PDE4D: variants seen among roughly 807,000 people sequenced by gnomAD.
The protein encoded by PDE4D is phosphodiesterase 4D, also known as 3',5'-cyclic-AMP phosphodiesterase 4D.
In PDE4D, 24 loss-of-function variants were observed where a neutral mutation model predicts 87.4. That is an observed-to-expected ratio of 0.27 (90% CI 0.20 to 0.39). The LOEUF (loss-of-function observed/expected upper bound fraction) is 0.39. PDE4D is among the 10% of genes least tolerant of loss of function. PDE4D has a pLI of 1.00. For synonymous variants in PDE4D, 384 were observed against 383.2 expected (o/e 1.00, Z -0.02); for missense variants, 714 against 1,041.0 (o/e 0.69, Z 4.32).
chr5:59,789,870 T>A (rs138204619), intron 1 of PDE4D, among the ~76,000 whole-genome samples: 387 of 152,280 alleles, frequency 2.5e-3, no homozygotes, highest in South Asian at 4.1e-3. Context: ...GATTTTAGAG[T>A]ACACAGAGCT....
chr5:59,450,816 T>G (rs1351977097), intron 1 of PDE4D, among the ~76,000 whole-genome samples: 2 of 152,208 alleles, frequency 1.3e-5, no homozygotes, highest in Non-Finnish European at 2.9e-5. Flanking sequence ...CTTCCACCTG[T>G]GCTTTGGTTC....
At chr5:59,417,164 TTATC>T (rs1436966671) in intron 1 of PDE4D, among the ~76,000 whole-genome samples, 5 of 152,094 alleles carry the variant, frequency 3.3e-5, no homozygotes, top group Admixed American at 6.5e-5. Context: ...TAAGCAAAAA[TTATC>T]TATAACTTTT....
chr5:60,310,244 C>T (rs1232325175), intron 1 of PDE4D, among the ~76,000 whole-genome samples: 1 of 152,188 alleles, frequency 6.6e-6, no homozygotes, highest in Non-Finnish European at 1.5e-5. Flanking sequence ...AATAATCCCA[C>T]TTTACCAGCA....
intron 3 of PDE4D, among the ~76,000 whole-genome samples, chr5:59,911,922 T>C (rs964631254): frequency 3.9e-5 from 6 of 152,218 alleles, no homozygotes; most frequent in Admixed American, 6.5e-5. Flanking sequence ...AAATGGATAA[T>C]TTATTTTTTG....
intron 5 of PDE4D, among the ~76,000 whole-genome samples, chr5:59,068,471 G>T (rs1210370328): frequency 6.6e-6 from 1 of 152,158 alleles, no homozygotes; most frequent in Non-Finnish European, 1.5e-5. Context: ...GCTGGATTCA[G>T]TGATGAGCAA....
At chr5:59,688,785 G>T (rs1273773908) in intron 1 of PDE4D, among the ~76,000 whole-genome samples, 2 of 152,044 alleles carry the variant, frequency 1.3e-5, no homozygotes, top group Non-Finnish European at 2.9e-5. Flanking sequence ...TCCAGGAGCT[G>T]GTATTTTGAA....
chr5:59,068,939 A>T (rs890208026), intron 5 of PDE4D, among the ~76,000 whole-genome samples: 1 of 152,208 alleles, frequency 6.6e-6, no homozygotes, highest in African/African-American at 2.4e-5. Context: ...GAAAGTTTTC[A>T]CACTGAAGGG....
chr5:59,896,178 A>G (rs539620083), upstream of PDE4D, among the ~76,000 whole-genome samples: 3 of 152,330 alleles, frequency 2.0e-5, no homozygotes, highest in South Asian at 4.1e-4. Context: ...TAGTACTAAT[A>G]TTACCTACTT....
chr5:60,337,351 C>CAAAA (rs1491477498), intron 1 of PDE4D, among the ~76,000 whole-genome samples: 5,410 of 60,042 alleles, frequency 0.09, 356 homozygotes, highest in East Asian at 0.26. Context: ...AACAAACAAA[C>CAAAA]TATATATATA....
At chr5:59,545,843 A>G (rs1240838531) in intron 1 of PDE4D, among the ~76,000 whole-genome samples, 1 of 152,188 alleles carries the variant, frequency 6.6e-6, no homozygotes, top group Non-Finnish European at 1.5e-5. Context: ...AAAATTGTTG[A>G]CGAAGTAAAA....
intron 3 of PDE4D, among the ~76,000 whole-genome samples, chr5:59,983,445 C>T (rs1762119746): frequency 6.6e-6 from 1 of 151,988 alleles, no homozygotes; most frequent in Admixed American, 6.6e-5. Flanking sequence ...CTGTTTAGAA[C>T]AAAATATTCA....
At chr5:60,479,320 A>G (rs1748554402) in intron 1 of PDE4D, among the ~76,000 whole-genome samples, 1 of 152,190 alleles carries the variant, frequency 6.6e-6, no homozygotes, top group Non-Finnish European at 1.5e-5. Context: ...TACTGATCAC[A>G]CTAGAGCAAC....
chr5:59,887,197 C>T (rs1310405815), intron 1 of PDE4D, among the ~76,000 whole-genome samples: 3 of 152,030 alleles, frequency 2.0e-5, no homozygotes, highest in Non-Finnish European at 4.4e-5. Context: ...TATAAATGCT[C>T]ATTTAGATGA....
chr5:59,569,842 A>G (rs2153695112), intron 1 of PDE4D, among the ~76,000 whole-genome samples: 1 of 152,206 alleles, frequency 6.6e-6, no homozygotes, highest in South Asian at 2.1e-4. Flanking sequence ...CTGCAGCCCA[A>G]AAGGAAGCAC....
At chr5:60,038,118 CTTTAG>C (rs1768022654) in intron 2 of PDE4D, among the ~76,000 whole-genome samples, 1 of 152,032 alleles carries the variant, frequency 6.6e-6, no homozygotes, top group Non-Finnish European at 1.5e-5. Flanking sequence ...TGCAGAAGCT[CTTTAG>C]TTTAATTAGA....
chr5:59,684,049 C>G (rs1325009090), intron 1 of PDE4D, among the ~76,000 whole-genome samples: 2 of 152,150 alleles, frequency 1.3e-5, no homozygotes, highest in African/African-American at 4.8e-5. Context: ...CTCTGTACTA[C>G]AAACCTTTTC....
chr5:60,156,595 T>C (rs1229803843), intron 2 of PDE4D, among the ~76,000 whole-genome samples: 1 of 152,154 alleles, frequency 6.6e-6, no homozygotes, highest in Non-Finnish European at 1.5e-5. Context: ...TCAGTTAAAA[T>C]ATTTAAAACT....
chr5:60,074,617 A>G (rs1174131955), intron 2 of PDE4D, among the ~76,000 whole-genome samples: 1 of 152,186 alleles, frequency 6.6e-6, no homozygotes, highest in Non-Finnish European at 1.5e-5. Flanking sequence ...GAAGTCTCCC[A>G]CTATTACTGT....
intron 1 of PDE4D, among the ~76,000 whole-genome samples, chr5:59,693,506 T>A (rs1445100104): frequency 1.3e-5 from 2 of 152,102 alleles, no homozygotes; most frequent in African/African-American, 4.8e-5. Flanking sequence ...GCAAAGAAAA[T>A]CACAACTATT....
Sources: allele counts gnomAD v4.1 joint callset (sites outside exome capture counted in the v4.1 genomes callset), GRCh38; gene constraint gnomAD v4.1.1; transcripts MANE v1.5; gene names NCBI Gene and HGNC (gene_info 2026-07-23, HGNC 2026-07-21).